The following SPEG variants were observed in gnomAD, a reference collection of about 807,000 sequenced individuals.
SPEG encodes striated muscle enriched protein kinase.
SPEG carries 114 observed loss-of-function variants against 300.4 expected under a neutral mutation model. The ratio of observed to expected loss-of-function variants is 0.38; its 90% CI spans 0.33 to 0.44. The LOEUF is 0.44. SPEG is among the 20% of genes least tolerant of loss of function. The pLI is 1.00. For synonymous variants in SPEG, 1,964 were observed against 2,018.9 expected (o/e 0.97, Z 0.73); for missense variants, 4,201 against 4,586.2 (o/e 0.92, Z 2.43).
chr2:219,460,916 G>A lies in SPEG; in HGVS notation c.2441-966G>A, dbSNP rs192515316. On this transcript the variant is annotated intron_variant, in intron 6 of 40. Transcript: ENST00000312358. ...GGGGAGCCACGCTGGGGTGGGCAGT[G>A]GGCAGGCAGCAGGAGGGCCTGGTGC... 1,098 of 986,294 alleles carry A rather than the reference G, an allele frequency of 1.1e-3. 9 individuals carry two copies. In the African/African-American group the frequency reaches 0.018, roughly 16 times the overall value. The allele number at this position is 986,294 out of a possible 1,614,324, so 61.1% of individuals were successfully genotyped here.
chr2:219,472,952 C>G lies in SPEG; in HGVS notation c.4003C>G (p.Leu1335Val). The G allele has an allele frequency of 1.2e-6, 2 of 1,613,784 alleles. No individual in the cohort carries two copies. The highest frequency in any genetic ancestry group is 1.3e-5 in the African/African-American group (1 of 75,056). Residue 1335 changes from leucine (L) to valine (V), a missense_variant, in exon 16 of 41, where the codon CTG (leucine) becomes GTG (valine). Physicochemically the swap from Leu to Val is conservative, Grantham distance 32. Around this residue, in one of 4 missense-constraint regions of SPEG, gnomAD observed 1,047 missense variants for 1,356.8 expected, o/e 0.77. Transcript: ENST00000312358. The part of the protein sequence containing the change: ...QVLGSDQWTA[L>V]VTGLREPGWA... ...GCTGGGCTCGGACCAGTGGACGGCA[C>G]TGGTCACAGGCCTGCGGGAGCCAGG...
Position 219,480,564 on chromosome 2 carries a change from T to C in SPEG, c.5343-107T>C. Reference sequence around the variant, plus strand: ...CTCCTGTGCCCATTGTCCATGGCAGTGTTCCCAGGGAGGTAACAGCTCACT... The same window carrying C: ...CTCCTGTGCCCATTGTCCATGGCAGCGTTCCCAGGGAGGTAACAGCTCACT... On this transcript the variant is annotated intron_variant, in intron 25 of 40. Transcript: ENST00000312358. The surrounding 1 kb of genome is among the most constrained non-coding windows in gnomAD (Gnocchi z 5.3). 8.7e-7 allele frequency: 1 copy of C among 1,143,130 alleles called. No homozygotes were observed. The highest frequency in any genetic ancestry group is 1.3e-6 in the Non-Finnish European group (1 of 754,996). The allele number at this position is 1,143,130 out of a possible 1,614,324, so 70.8% of individuals were successfully genotyped here.
intron 10 of SPEG, among the ~76,000 whole-genome samples, 195 bp from the exon 11 acceptor site, chr2:219,468,383 C>T (rs902843081): frequency 6.6e-6 from 1 of 152,108 alleles, no homozygotes; most frequent in Non-Finnish European, 1.5e-5. Context: ...CAGTCTGCAC[C>T]CACCCTTGCT....
chr2:219,479,737 A>G lies in SPEG; in HGVS notation c.5086-46A>G, dbSNP rs1214749747. ...CTTGCCGCCCTGGAGGTGTTCAGAC[A>G]TACACCACCCTTCCCCCTCAGACTC... On this transcript the variant is annotated intron_variant, in intron 23 of 40. Coordinates refer to ENST00000312358, the MANE Select transcript of SPEG (RefSeq NM_005876.5). The surrounding 1 kb of genome is among the most constrained non-coding windows in gnomAD (Gnocchi z 5.5). 5.1e-6 allele frequency: 8 copies of G among 1,583,762 alleles called. No homozygotes were observed. The highest frequency in any genetic ancestry group is 4.4e-5 in the South Asian group (4 of 90,396).
At chr2:219,447,734 G>A (rs1265758727) in intron 3 of SPEG, among the ~76,000 whole-genome samples, 2 of 151,900 alleles carry the variant, frequency 1.3e-5, no homozygotes, top group Non-Finnish European at 2.9e-5. Context: ...TCCTGGGGCT[G>A]AGTCTGTACC....
Position 219,464,590 on chromosome 2 carries a change from G to T in SPEG, c.2863G>T (p.Ala955Ser), listed in dbSNP as rs1166488918. The change falls in exon 9 of 41, where the codon GCC (alanine) becomes TCC (serine). Residue 955 changes from alanine to serine, a missense_variant. Transcript: ENST00000312358. This position sits in a 1 kb window ranked among gnomAD's most constrained non-coding sequence, Gnocchi z 4.5. ...TGAGTATGGTGCTCGGCAGTGCGAGGCCCGCTTGGAGGTCCGAGGTGAGTA... is the reference window on the plus strand; with the variant it reads ...TGAGTATGGTGCTCGGCAGTGCGAGTCCCGCTTGGAGGTCCGAGGTGAGTA... ...VNEYGARQCE[A>S]RLEVRAHPES... 1 of 1,614,120 alleles carries T rather than the reference G, an allele frequency of 6.2e-7. No individual in the cohort carries two copies. The highest frequency in any genetic ancestry group is 2.2e-5 in the East Asian group (1 of 44,886).
At chr2:219,492,300 GC>G in intron 40 of SPEG, 40 bp downstream of exon 40, 1 of 1,591,968 alleles carries the variant, frequency 6.3e-7, no homozygotes. Flanking sequence ...AGTGTTACCT[GC>G]CCCTGGCCTG....
In SPEG at chr2:219,483,246, A is replaced by T; in HGVS notation, c.5783A>T (p.Glu1928Val). Residue 1928 changes from glutamate (E) to valine (V), a missense_variant, in exon 30 of 41, where the codon GAG (glutamate) becomes GTG (valine). By Grantham distance (121) the Glu-to-Val change is moderately radical. Transcript: ENST00000312358. Reference protein sequence around the residue: ...LSSSSDSEEEELEELPSVPRP... With the variant: ...LSSSSDSEEEVLEELPSVPRP... Reference sequence around the variant, plus strand: ...TCCTCCTCGGATTCTGAAGAGGAAGAGCTGGAAGAGCTGCCCTCAGTGCCC... The same window carrying T: ...TCCTCCTCGGATTCTGAAGAGGAAGTGCTGGAAGAGCTGCCCTCAGTGCCC... The T allele has an allele frequency of 6.2e-7, 1 of 1,610,628 alleles. No individual in the cohort carries two copies. The highest frequency in any genetic ancestry group is 8.5e-7 in the Non-Finnish European group (1 of 1,179,040).
rs772589133 is a variant in SPEG, at chr2:219,477,241, C to T, written c.4561-36C>T. ...CCCTGGCCCCAAGGTAGAGATGAGG[C>T]CAGGCCCAGGCTGAAGGTGAGACCC... On this transcript the variant is annotated intron_variant, in intron 19 of 40. Coordinates refer to ENST00000312358, the MANE Select transcript of SPEG (RefSeq NM_005876.5). This position sits in a 1 kb window ranked among gnomAD's most constrained non-coding sequence, Gnocchi z 6.4. 33 of 982,818 alleles carry T rather than the reference C, an allele frequency of 3.4e-5. No individual in the cohort carries two copies. Among genetic ancestry groups the T allele is most frequent in the Admixed American group, 8.6e-5 (3 of 34,842 alleles). The allele number at this position is 982,818 out of a possible 1,614,324, so 60.9% of individuals were successfully genotyped here.
At chr2:219,440,671 C>T (rs150517312) in intron 1 of SPEG, among the ~76,000 whole-genome samples, 34 of 152,140 alleles carry the variant, frequency 2.2e-4, no homozygotes, top group African/African-American at 7.2e-4. Context: ...ACTACAACCT[C>T]GCCTCCTGGG....
rs964484107 is a variant in SPEG at position 219,448,941 on chromosome 2, C to A, written c.1783C>A (p.Gln595Lys). The A allele has an allele frequency of 6.7e-7, 1 of 1,499,522 alleles. No individual in the cohort carries two copies. Among genetic ancestry groups the A allele is most frequent in the Admixed American group, 2.2e-5 (1 of 45,624 alleles). 92.9% of individuals were successfully genotyped at this position (1,499,522 alleles called of 1,614,324 possible). ...GCAGCAGGAGGTTAGGCGTCGGGAC[C>A]AATTCCCGCTGACCCGGAGCAGAGC... ...GPQQEVRRRD[Q>K]FPLTRSRAIQ... Residue 595 changes from glutamine (Q) to lysine (K), a missense_variant, in exon 4 of 41, where the codon CAA becomes AAA. Physicochemically the swap from Gln to Lys is moderately conservative, Grantham distance 53. Around this residue, in one of 4 missense-constraint regions of SPEG, gnomAD observed 1,258 missense variants for 1,293.9 expected, o/e 0.97. Coordinates refer to ENST00000312358, the MANE Select transcript of SPEG (RefSeq NM_005876.5).
At chr2:219,467,125 C>T (rs758446284) in intron 9 of SPEG, 49 bp from the exon 10 acceptor site, 1 of 1,525,086 alleles carries the variant, frequency 6.6e-7, no homozygotes, top group South Asian at 1.3e-5. Flanking sequence ...CTCCCTCACC[C>T]TGTGTGTCTC....
intron 1 of SPEG, among the ~76,000 whole-genome samples, chr2:219,438,195 A>T (rs1490886840): frequency 2.0e-5 from 3 of 152,206 alleles, no homozygotes; most frequent in African/African-American, 7.2e-5. Context: ...GGAGGTGAAG[A>T]TAGCAGAAAT....
intron 1 of SPEG, among the ~76,000 whole-genome samples, chr2:219,442,648 C>A (rs1689010291): frequency 8.8e-6 from 1 of 114,258 alleles, no homozygotes; most frequent in Non-Finnish European, 1.7e-5. Context: ...AGGTTTCTGT[C>A]CTCCCCCCAG....
At chr2:219,463,467 G>A (rs1288126585) in intron 8 of SPEG, among the ~76,000 whole-genome samples, 1 of 123,134 alleles carries the variant, frequency 8.1e-6, no homozygotes, top group East Asian at 2.8e-4. Flanking sequence ...AGGCTGGAGT[G>A]CAGTGGTGCG....
rs1176153565 is a variant in SPEG at position 219,478,060 on chromosome 2, A to G, written c.4982A>G (p.His1661Arg). Residue 1661 changes from histidine (H) to arginine (R), a missense_variant, in exon 22 of 41, where the codon CAT becomes CGT. Coordinates refer to ENST00000312358, the MANE Select transcript of SPEG (RefSeq NM_005876.5). ...CAGCACGACTGTGTCCTCTACTTCC[A>G]TGAGGCCTTCGAGAGGCGCCGGGGA... Reference protein sequence around the residue: ...RLQHDCVLYFHEAFERRRGLV... With the variant: ...RLQHDCVLYFREAFERRRGLV... 2 of 1,614,082 alleles carry G rather than the reference A, an allele frequency of 1.2e-6. No individual in the cohort carries two copies. The highest frequency in any genetic ancestry group is 1.7e-6 in the Non-Finnish European group (2 of 1,180,038).
chr2:219,485,035 C>T lies in SPEG; in HGVS notation c.7572C>T (p.Ser2524=), dbSNP rs1220155267. Residue 2524 remains serine (S), a synonymous_variant, in exon 30 of 41, where the codon TCC becomes TCT. Coordinates refer to ENST00000312358, the MANE Select transcript of SPEG (RefSeq NM_005876.5). ...GCGCCACCACGCCTTCCGCCGAGTC[C>T]CTGGGCTCCGAGGCCAGCGCCACGT... is the stretch of plus-strand genomic sequence containing the variant. ...QAGATTPSAE[S]LGSEASATSG... is the part of the protein sequence containing the mutation. 6.5e-7 allele frequency: 1 copy of T among 1,532,328 alleles called. No homozygotes were observed. Among genetic ancestry groups the T allele is most frequent in the African/African-American group, 1.4e-5 (1 of 72,780 alleles). 94.9% of individuals were successfully genotyped at this position (1,532,328 alleles called of 1,614,324 possible).
chr2:219,490,407 AG>A lies in SPEG; in HGVS notation c.8924del. On this transcript the variant is annotated splice_acceptor_variant, in intron 36 of 40. Coordinates refer to ENST00000312358, the MANE Select transcript of SPEG (RefSeq NM_005876.5). LOFTEE classifies it high-confidence loss of function. Reference sequence around the variant, plus strand: ...GGTGGTGTCCCTCCCCCCGACACACAGGGGCCGCTTTGGTGTTGTGCGAGCG... The same window carrying A: ...GGTGGTGTCCCTCCCCCCGACACACAGGGCCGCTTTGGTGTTGTGCGAGCG... 6.2e-7 allele frequency: 1 copy of A among 1,608,082 alleles called. No individual in the cohort carries two copies. Among genetic ancestry groups the A allele is most frequent in the Non-Finnish European group, 8.5e-7 (1 of 1,177,142 alleles).
At chr2:219,474,626 A>G (rs1284985206) in intron 18 of SPEG, among the ~76,000 whole-genome samples, 2 of 152,254 alleles carry the variant, frequency 1.3e-5, no homozygotes, top group African/African-American at 2.4e-5. Context: ...TGTGTTAAAC[A>G]TAATAGGAAA....
Sources: allele counts gnomAD v4.1 joint callset (sites outside exome capture counted in the v4.1 genomes callset), GRCh38; gene constraint gnomAD v4.1.1; regional missense constraint gnomAD v4.1.1; non-coding constraint Gnocchi (gnomAD v3.1); transcripts MANE v1.5; gene names NCBI Gene and HGNC (gene_info 2026-07-23, HGNC 2026-07-21).